The following CORO7 variants were observed in gnomAD, a reference collection of about 807,000 sequenced individuals.
CORO7 encodes coronin 7.
CORO7 carries 107 observed loss-of-function variants against 126.6 expected under a neutral mutation model. The ratio of observed to expected loss-of-function variants is 0.85; its 90% CI spans 0.72 to 0.99. The LOEUF (loss-of-function observed/expected upper bound fraction) is 0.99. CORO7 is among the 50% of genes least tolerant of loss of function. The probability of loss-of-function intolerance (pLI) is 0.00; values close to 1 mark genes in which losing one functional copy is unlikely to be tolerated. For synonymous variants in CORO7, 603 were observed against 536.8 expected (o/e 1.12, Z -1.70); for missense variants, 1,314 against 1,255.8 (o/e 1.05, Z -0.70).
At chr16:4,398,901 G>T (rs2055699872) in intron 6 of CORO7, among the ~76,000 whole-genome samples, 1 of 151,942 alleles carries the variant, frequency 6.6e-6, no homozygotes, top group South Asian at 2.1e-4. Context: ...CCAGGAGGCG[G>T]GGGTTGCAGT....
intron 6 of CORO7, among the ~76,000 whole-genome samples, chr16:4,399,962 T>C (rs1221759190): frequency 6.6e-6 from 1 of 152,210 alleles, no homozygotes; most frequent in East Asian, 1.9e-4. Context: ...AGCTACATAC[T>C]ACATACCATA....
At chr16:4,383,813 C>T (rs2055092853) in intron 9 of CORO7, among the ~76,000 whole-genome samples, 1 of 152,232 alleles carries the variant, frequency 6.6e-6, no homozygotes, top group Non-Finnish European at 1.5e-5. Context: ...CTGGGAGAGG[C>T]TTGTGGCACA....
At chr16:4,415,673 A>C (rs570323148) in intron 1 of CORO7, 63 of 982,746 alleles carry the variant, frequency 6.4e-5, no homozygotes, top group South Asian at 6.1e-4. Flanking sequence ...ACTTGAGGTC[A>C]ACTCCTAGGC....
chr16:4,357,842 C>T (rs968973225), intron 25 of CORO7, 126 bp downstream of exon 25: 10 of 1,465,770 alleles, frequency 6.8e-6, no homozygotes, highest in Non-Finnish European at 9.1e-6. Context: ...ATTGACACAG[C>T]CACTCCACCC....
Position 4,387,991 on chromosome 16 carries a change from C to T in CORO7, c.780G>A (p.Ser260=), listed in dbSNP as rs764490402. 8 of 1,612,912 alleles carry T rather than the reference C, an allele frequency of 5.0e-6. No homozygotes were observed. Among genetic ancestry groups the T allele is most frequent in the African/African-American group, 2.7e-5 (2 of 74,938 alleles). Residue 260 remains serine (S), a synonymous_variant, in exon 9 of 28, where the codon TCG becomes TCA. Transcript: ENST00000251166. Reference sequence around the variant, plus strand: ...CTGCGTGCCGCAGCTCCTACCCAAGCGAGGTGTCCAAGGTGAGGGAGGCCA... The same window carrying T: ...CTGCGTGCCGCAGCTCCTACCCAAGTGAGGTGTCCAAGGTGAGGGAGGCCA... ...SALASLTLDT[S]LGCLVPLLDP...
Position 4,360,999 on chromosome 16 carries a change from T to G in CORO7, c.1861A>C (p.Ile621Leu). ...TCAGCTCCAGCCTGAAGGTCCCAGA[T>G]GCGAACAGTGAGGTCATAGGAGGAC... The part of the protein sequence containing the change: ...ASSSYDLTVR[I>L]WDLQAGADRL... The change falls in exon 19 of 28, where the codon ATC (isoleucine) becomes CTC (leucine). Residue 621 changes from isoleucine to leucine, a missense_variant. Transcript: ENST00000251166. 1.2e-6 allele frequency: 2 copies of G among 1,613,190 alleles called. No individual in the cohort carries two copies. Among genetic ancestry groups the G allele is most frequent in the South Asian group, 1.1e-5 (1 of 91,090 alleles).
intron 13 of CORO7, 32 bp downstream of exon 13, chr16:4,364,565 G>C (rs1347532042): frequency 6.5e-7 from 1 of 1,541,914 alleles, no homozygotes; most frequent in Non-Finnish European, 8.8e-7. Flanking sequence ...GACTCGGGGA[G>C]GCTGGGAGAG....
chr16:4,362,856 C>T lies in CORO7; in HGVS notation c.1276-118G>A. 2 of 1,215,070 alleles carry T rather than the reference C, an allele frequency of 1.6e-6. No individual in the cohort carries two copies. Among genetic ancestry groups the T allele is most frequent in the Non-Finnish European group, 2.1e-6 (2 of 962,500 alleles). 75.3% of individuals were successfully genotyped at this position (1,215,070 alleles called of 1,614,324 possible). A position where few individuals can be genotyped will look rare whatever the true frequency, so the allele number is the denominator to read the frequency against. ...CCCCTGCGGACTGGAGGAGCCCCCACTGTGGGCATGCGACAGGAGCGGCGG... is the reference window on the plus strand; with the variant it reads ...CCCCTGCGGACTGGAGGAGCCCCCATTGTGGGCATGCGACAGGAGCGGCGG... On this transcript the variant is annotated intron_variant, in intron 14 of 27. Transcript: ENST00000251166. The surrounding 1 kb of genome is among the most constrained non-coding windows in gnomAD (Gnocchi z 5.3).
intron 9 of CORO7, 35 bp from the exon 10 acceptor site, chr16:4,365,580 A>T (rs545502801): frequency 1.9e-6 from 3 of 1,561,008 alleles, no homozygotes; most frequent in South Asian, 2.4e-5. Context: ...GGGTCAGGGC[A>T]GTGGGAGGGC....
chr16:4,362,957 T>C lies in CORO7; in HGVS notation c.1276-219A>G. The stretch of plus-strand genomic sequence containing the variant: ...CGCGGGGACAGCAAGTGGCAGCTGC[T>C]GGCTCCCAGCCCTGCAGGAGGGTGT... On this transcript the variant is annotated intron_variant, in intron 14 of 27. Coordinates refer to ENST00000251166, the MANE Select transcript of CORO7 (RefSeq NM_024535.5). The surrounding 1 kb of genome is among the most constrained non-coding windows in gnomAD (Gnocchi z 5.3). 1 of 438,452 alleles carries C rather than the reference T, an allele frequency of 2.3e-6. No homozygotes were observed. Among genetic ancestry groups the C allele is most frequent in the Non-Finnish European group, 3.8e-6 (1 of 263,368 alleles). 27.2% of individuals were successfully genotyped at this position (438,452 alleles called of 1,614,324 possible).
In CORO7 at chr16:4,364,299, G is replaced by A; in HGVS notation, c.1252C>T (p.Pro418Ser). 6.4e-7 allele frequency: 1 copy of A among 1,553,876 alleles called. No homozygotes were observed. The highest frequency in any genetic ancestry group is 2.0e-5 in the Admixed American group (1 of 49,720). ...DTAQPAVMET[P>S]VGDADASEGF... ...ACGCTTGCGTCTGCATCACCCACGGGTGTCTCCATCACCGCAGGCTGGGCT... is the reference window on the plus strand; with the variant it reads ...ACGCTTGCGTCTGCATCACCCACGGATGTCTCCATCACCGCAGGCTGGGCT... The change falls in exon 14 of 28, where the codon CCC becomes TCC. Residue 418 changes from proline (P) to serine (S), a missense_variant. Physicochemically the swap from Pro to Ser is moderately conservative, Grantham distance 74. Coordinates refer to ENST00000251166, the MANE Select transcript of CORO7 (RefSeq NM_024535.5).
Position 4,388,611 on chromosome 16 carries a change from G to C in CORO7, c.636C>G (p.Asn212Lys), listed in dbSNP as rs2055278374. 6.2e-7 allele frequency: 1 copy of C among 1,612,462 alleles called. No individual in the cohort carries two copies. Among genetic ancestry groups the C allele is most frequent in the Admixed American group, 1.7e-5 (1 of 59,906 alleles). Residue 212 changes from asparagine to lysine, a missense_variant, in exon 8 of 28, where the codon AAC (asparagine) becomes AAG (lysine). Asn to Lys is a moderately conservative substitution (Grantham distance 94). Transcript: ENST00000251166. Reference sequence around the variant, plus strand: ...TCCATGCCAGCCGGCTATCCCTGCTGTTCTCATGGGCCTGCGTGCTCTGCA... The same window carrying C: ...TCCATGCCAGCCGGCTATCCCTGCTCTTCTCATGGGCCTGCGTGCTCTGCA... ...RASQSTQAHENSRDSRLAWMG... is the reference protein window; with the variant it reads ...RASQSTQAHEKSRDSRLAWMG...
intron 5 of CORO7, among the ~76,000 whole-genome samples, chr16:4,407,200 G>A (rs1041659629): frequency 2.0e-5 from 3 of 151,086 alleles, no homozygotes; most frequent in African/African-American, 2.4e-5. Flanking sequence ...CACCTACCTC[G>A]GCCTCCCAGA....
At chr16:4,379,572 C>A (rs1168568893) in intron 9 of CORO7, among the ~76,000 whole-genome samples, 1 of 152,178 alleles carries the variant, frequency 6.6e-6, no homozygotes, top group African/African-American at 2.4e-5. Flanking sequence ...ATGAGCCCTG[C>A]TTTCTTCTGT....
At chr16:4,391,657 G>C (rs975945667) in intron 7 of CORO7, among the ~76,000 whole-genome samples, 3 of 152,258 alleles carry the variant, frequency 2.0e-5, no homozygotes, top group Non-Finnish European at 2.9e-5. Flanking sequence ...CTTGAGCCCA[G>C]GAGGTCAAAG....
intron 6 of CORO7, chr16:4,397,435 C>T (rs1352339411): frequency 2.0e-5 from 3 of 151,490 alleles, no homozygotes; most frequent in African/African-American, 7.3e-5. Context: ...GCCTGGGAAA[C>T]AGACTGAGAC....
intron 6 of CORO7, among the ~76,000 whole-genome samples, chr16:4,398,463 C>A (rs951045746): frequency 2.6e-5 from 4 of 151,574 alleles, no homozygotes; most frequent in African/African-American, 9.7e-5. Context: ...GTAAGGAGCT[C>A]GAGACGAGCC....
chr16:4,371,672 G>A (rs1364648373), intron 9 of CORO7, among the ~76,000 whole-genome samples: 1 of 152,226 alleles, frequency 6.6e-6, no homozygotes, highest in Non-Finnish European at 1.5e-5. Flanking sequence ...AGGTCTCCCC[G>A]CGCAGGTCAG....
At chr16:4,392,440 C>T (rs1049790673) in intron 7 of CORO7, among the ~76,000 whole-genome samples, 2 of 152,214 alleles carry the variant, frequency 1.3e-5, no homozygotes, top group Non-Finnish European at 2.9e-5. Flanking sequence ...GTATAAGAAC[C>T]AAGCATGGGT....
Sources: gnomAD v4.1 joint callset for allele counts (sites outside exome capture counted in the v4.1 genomes callset) on GRCh38, gnomAD v4.1.1 for gene constraint, Gnocchi (gnomAD v3.1) non-coding constraint, MANE v1.5 for transcripts, NCBI Gene and HGNC (gene_info 2026-07-23, HGNC 2026-07-21) for gene names.